IQCH: variants seen among roughly 807,000 people sequenced by gnomAD.
IQCH encodes IQ domain-containing protein H.
Under a neutral mutation model 117.0 loss-of-function variants are expected in IQCH, and 98 were observed. The observed-to-expected ratio is 0.84, with a 90% CI of 0.71 to 0.99. The LOEUF (loss-of-function observed/expected upper bound fraction) is 0.99, where lower values mean the gene tolerates loss of function less well. Ranked by LOEUF, IQCH falls within the 50% of genes least tolerant of loss-of-function variation. IQCH has a pLI of 0.00. For missense variants in IQCH, 1,102 were observed against 1,243.8 expected (o/e 0.89, Z 1.72); for synonymous variants, 412 against 448.2 (o/e 0.92, Z 1.02).
rs2083185057 is a variant in IQCH, at chr15:67,475,706, C to G, written c.2687C>G (p.Thr896Ser). 1.9e-6 allele frequency: 3 copies of G among 1,613,792 alleles called. No homozygotes were observed. The East Asian group carries it at 6.7e-5, about 36-fold the overall frequency. Residue 896 changes from threonine (T) to serine (S), a missense_variant, in exon 18 of 21, where the codon ACC becomes AGC. By Grantham distance (58) the Thr-to-Ser change is moderately conservative (BLOSUM62 1). Coordinates refer to ENST00000335894, the MANE Select transcript of IQCH (RefSeq NM_001031715.3). The surrounding 1 kb of genome is among the most constrained non-coding windows in gnomAD (Gnocchi z 5.7). The part of the protein sequence containing the change: ...MSALSMPMLA[T>S]SRYAVMTTQL... ...TGTGCTCCTTTCCAGATGCTGGCAA[C>G]CAGTCGCTATGCAGTGATGACCACC...
At chr15:67,377,760 TA>T (rs1353030174) in intron 10 of IQCH, among the ~76,000 whole-genome samples, 2 of 152,182 alleles carry the variant, frequency 1.3e-5, no homozygotes, top group African/African-American at 4.8e-5. Context: ...CCTCCTCCTT[TA>T]AAGTAAAAAT....
rs375810750 is a variant in IQCH, at chr15:67,421,437, G to A, written c.2365G>A (p.Val789Met). The A allele has an allele frequency of 7.0e-5, 113 of 1,614,026 alleles. No individual in the cohort carries two copies. The highest frequency in any genetic ancestry group is 5.1e-4 in the African/African-American group (38 of 74,908). ...ESPFISSGTT[V>M]PQTSVDPQVL... is the part of the protein sequence containing the mutation. Reference sequence around the variant, plus strand: ...CCCCTTCATCTCCTCTGGTACCACCGTGCCTCAGACCTCAGTGGATCCCCA... The same window carrying A: ...CCCCTTCATCTCCTCTGGTACCACCATGCCTCAGACCTCAGTGGATCCCCA... Residue 789 changes from valine (V) to methionine (M), a missense_variant, in exon 16 of 21, where the codon GTG (valine) becomes ATG (methionine). Val to Met is a conservative substitution (Grantham distance 21, BLOSUM62 1). Coordinates refer to ENST00000335894, the MANE Select transcript of IQCH (RefSeq NM_001031715.3).
rs2082683000 is a variant in IQCH at position 67,457,338 on chromosome 15, G to A, written c.2506-7789G>A. Among the ~76,000 whole-genome samples, 1 of 152,212 alleles carries A rather than the reference G, an allele frequency of 6.6e-6. No homozygotes were observed. Among genetic ancestry groups the A allele is most frequent in the Non-Finnish European group, 1.5e-5 (1 of 68,042 alleles). ...CACAATGGAGAGCTCCATGCTGTCT[G>A]GAGATTCAGTGATCCAAGTGGGGAA... On this transcript the variant is annotated intron_variant, in intron 16 of 20. Coordinates refer to ENST00000335894, the MANE Select transcript of IQCH (RefSeq NM_001031715.3). This position sits in a 1 kb window ranked among gnomAD's most constrained non-coding sequence, Gnocchi z 5.7.
rs986632963 is a variant in IQCH, at chr15:67,364,942, G to A, written c.753+5057G>A. On this transcript the variant is annotated intron_variant, in intron 8 of 20. Coordinates refer to ENST00000335894, the MANE Select transcript of IQCH (RefSeq NM_001031715.3). The surrounding 1 kb of genome is among the most constrained non-coding windows in gnomAD (Gnocchi z 4.1). The stretch of plus-strand genomic sequence containing the variant: ...AATGTTACATTATTAATAAATAATT[G>A]TTTTTGTTCTTGTTTTGAGATGCGG... Among the ~76,000 whole-genome samples the A allele has an allele frequency of 1.3e-5, 2 of 152,006 alleles. No individual in the cohort carries two copies. Among genetic ancestry groups the A allele is most frequent in the Non-Finnish European group, 2.9e-5 (2 of 68,006 alleles).
rs2082617789 is a variant in IQCH, at chr15:67,454,594, C to T, written c.2506-10533C>T. On this transcript the variant is annotated intron_variant, in intron 16 of 20. Transcript: ENST00000335894. This position sits in a 1 kb window ranked among gnomAD's most constrained non-coding sequence, Gnocchi z 5.2. ...CTCCTTCCTCACAGCCACTGGAAAA[C>T]ATTTTCCATCTCCATGGATTTCCCT... Among the ~76,000 whole-genome samples, 1 of 152,212 alleles carries T rather than the reference C, an allele frequency of 6.6e-6. No individual in the cohort carries two copies. Among genetic ancestry groups the T allele is most frequent in the African/African-American group, 2.4e-5 (1 of 41,448 alleles).
In IQCH at chr15:67,498,749, A is replaced by G. The variant is rs569884482; in HGVS notation, c.2971-1884A>G. ...CAATAGTTTCTTAGACATGGTGCCT[A>G]AAGCACAAGCAACCAAAATAAAAAT... On this transcript the variant is annotated intron_variant, in intron 20 of 20. Coordinates refer to ENST00000335894, the MANE Select transcript of IQCH (RefSeq NM_001031715.3). Among the ~76,000 whole-genome samples, 124 of 152,352 alleles carry G rather than the reference A, an allele frequency of 8.1e-4. 1 individual carries two copies. Among genetic ancestry groups the G allele is most frequent in the Non-Finnish European group, 1.5e-3 (105 of 68,040 alleles).
At position 67,429,087 on chromosome 15, in the gene IQCH, C is replaced by T. The variant is rs1191184833; in HGVS notation, c.2505+7510C>T. Among the ~76,000 whole-genome samples the T allele has an allele frequency of 3.9e-5, 6 of 152,184 alleles. No homozygotes were observed. The East Asian group carries it at 9.6e-4, about 24-fold the overall frequency. ...ATTTTTAGCCCAGTAAGACTTCTGA[C>T]CCACAGAGCTGAAAAATAATAAATC... On this transcript the variant is annotated intron_variant, in intron 16 of 20. Coordinates refer to ENST00000335894, the MANE Select transcript of IQCH (RefSeq NM_001031715.3).
intron 15 of IQCH, among the ~76,000 whole-genome samples, chr15:67,418,840 A>C (rs2081647732): frequency 6.6e-6 from 1 of 151,784 alleles, no homozygotes; most frequent in Non-Finnish European, 1.5e-5. Context: ...GGCCTCCCGA[A>C]GTGCTGGGAT....
At position 67,373,416 on chromosome 15, in the gene IQCH, T is replaced by C. The variant is rs758097901; in HGVS notation, c.1355T>C (p.Ile452Thr). The change falls in exon 10 of 21, where the codon ATC becomes ACC. Residue 452 changes from isoleucine to threonine, a missense_variant. By Grantham distance (89) the Ile-to-Thr change is moderately conservative (BLOSUM62 -1). Coordinates refer to ENST00000335894, the MANE Select transcript of IQCH (RefSeq NM_001031715.3). ...NRIRTSRRTI[I>T]HIPSLGYSQP... ...ATCAGGACCTCCAGGAGGACTATTA[T>C]CCATATCCCATCATTAGGTATAACA... 6.2e-6 allele frequency: 10 copies of C among 1,610,466 alleles called. No homozygotes were observed. In the African/African-American group the frequency reaches 1.1e-4, roughly 17 times the overall value.
intron 16 of IQCH, among the ~76,000 whole-genome samples, chr15:67,434,987 G>T (rs1373203870): frequency 2.1e-5 from 3 of 145,026 alleles, no homozygotes; most frequent in Non-Finnish European, 1.5e-5. Context: ...TTGTATCTTT[G>T]TTTTTTTTTT....
intron 16 of IQCH, among the ~76,000 whole-genome samples, chr15:67,439,867 A>C (rs2082223606): frequency 6.7e-6 from 1 of 150,150 alleles, no homozygotes; most frequent in South Asian, 2.1e-4. Flanking sequence ...CATCCTGGGC[A>C]ACAAGAGCAA....
intron 18 of IQCH, 43 bp from the exon 19 acceptor site, chr15:67,489,960 G>A (rs1158575928): frequency 1.5e-6 from 2 of 1,328,348 alleles, no homozygotes; most frequent in Middle Eastern, 1.8e-4. Flanking sequence ...CTTTGTTTCT[G>A]AGATAATATA....
intron 1 of IQCH, among the ~76,000 whole-genome samples, 179 bp from the exon 2 acceptor site, chr15:67,261,093 C>CAAA (rs5813432): frequency 4.0e-4 from 50 of 126,382 alleles, no homozygotes; most frequent in East Asian, 1.6e-3. Context: ...AATTCCATCT[C>CAAA]AAAAAAAAAA....
intron 10 of IQCH, among the ~76,000 whole-genome samples, chr15:67,377,319 TTA>T (rs1391883905): frequency 2.4e-4 from 37 of 152,048 alleles, no homozygotes; most frequent in Non-Finnish European, 5.0e-4. Flanking sequence ...TTTTCAGAGT[TTA>T]TAGGCTGATC....
intron 4 of IQCH, among the ~76,000 whole-genome samples, chr15:67,287,719 T>C (rs1966613511): frequency 6.6e-6 from 1 of 152,048 alleles, no homozygotes; most frequent in Non-Finnish European, 1.5e-5. Context: ...TTCATTGATA[T>C]TTTGTACTTT....
In IQCH at chr15:67,369,405, G is replaced by GA. The variant is rs796573427; in HGVS notation, c.754-2697dup. On this transcript the variant is annotated intron_variant, in intron 8 of 20. Transcript: ENST00000335894. The surrounding 1 kb of genome is among the most constrained non-coding windows in gnomAD (Gnocchi z 5.2). Reference sequence around the variant, plus strand: ...GACAGAAATCCTTCTTGGCTAGAAGGAAAAAAAAATTGCCGTCAAGTCAGT... The same window carrying GA: ...GACAGAAATCCTTCTTGGCTAGAAGGAAAAAAAAAATTGCCGTCAAGTCAGT... Among the ~76,000 whole-genome samples the GA allele has an allele frequency of 1.3e-5, 2 of 149,526 alleles. No homozygotes were observed. Among genetic ancestry groups the GA allele is most frequent in the South Asian group, 2.1e-4 (1 of 4,710 alleles).
At position 67,500,735 on chromosome 15, in the gene IQCH, C is replaced by A. The variant is rs1302863896; in HGVS notation, c.3073C>A (p.Pro1025Thr). Residue 1025 changes from proline (P) to threonine (T), a missense_variant, in exon 21 of 21, where the codon CCC (proline) becomes ACC (threonine). Around this residue, in one of 2 missense-constraint regions of IQCH, gnomAD observed 650 missense variants for 794.3 expected, o/e 0.82. Coordinates refer to ENST00000335894, the MANE Select transcript of IQCH (RefSeq NM_001031715.3). This position sits in a 1 kb window ranked among gnomAD's most constrained non-coding sequence, Gnocchi z 4.4. The part of the protein sequence containing the change: ...QSKDDKNLSK[P>T]KK ...CAAAGATGATAAAAACCTCTCTAAACCCAAGAAATGATCCTGGAATACAGT... is the reference window on the plus strand; with the variant it reads ...CAAAGATGATAAAAACCTCTCTAAAACCAAGAAATGATCCTGGAATACAGT... 10 of 1,560,116 alleles carry A rather than the reference C, an allele frequency of 6.4e-6. No homozygotes were observed. Among genetic ancestry groups the A allele is most frequent in the Non-Finnish European group, 7.9e-6 (9 of 1,138,736 alleles).
Position 67,460,202 on chromosome 15 carries a change from G to A in IQCH, c.2506-4925G>A, listed in dbSNP as rs182753824. Reference sequence around the variant, plus strand: ...CTGGTGTGCATTTGTACCATTTCAAGTGCTCAATAGCCACATGAGGCTAGT... The same window carrying A: ...CTGGTGTGCATTTGTACCATTTCAAATGCTCAATAGCCACATGAGGCTAGT... On this transcript the variant is annotated intron_variant, in intron 16 of 20. Transcript: ENST00000335894. Among the ~76,000 whole-genome samples the A allele has an allele frequency of 2.9e-4, 44 of 152,284 alleles. No individual in the cohort carries two copies. In the East Asian group the frequency reaches 7.3e-3, roughly 25 times the overall value.
At chr15:67,339,546 A>G (rs1322762031) in intron 5 of IQCH, among the ~76,000 whole-genome samples, 1 of 152,206 alleles carries the variant, frequency 6.6e-6, no homozygotes, top group East Asian at 1.9e-4. Flanking sequence ...ATGATCAGTT[A>G]TTTACAAAGT....
Sources: allele counts gnomAD v4.1 joint callset (sites outside exome capture counted in the v4.1 genomes callset), GRCh38; gene constraint gnomAD v4.1.1; regional missense constraint gnomAD v4.1.1; non-coding constraint Gnocchi (gnomAD v3.1); transcripts MANE v1.5; gene names NCBI Gene and HGNC (gene_info 2026-07-23, HGNC 2026-07-21).